Variants in FOXP2 observed in about 807,000 individuals in gnomAD.
FOXP2 encodes forkhead box P2.
Under a neutral mutation model 115.8 loss-of-function variants are expected in FOXP2, and 12 were observed. That is an observed-to-expected ratio of 0.10 (90% CI 0.07 to 0.17). The LOEUF (loss-of-function observed/expected upper bound fraction) is 0.17, where lower values mean the gene tolerates loss of function less well. FOXP2 is among the 10% of genes least tolerant of loss of function. The probability of loss-of-function intolerance (pLI) is 1.00; values close to 1 mark genes in which losing one functional copy is unlikely to be tolerated. For synonymous variants in FOXP2, 328 were observed against 297.7 expected (o/e 1.10, Z -1.05); for missense variants, 629 against 843.5 (o/e 0.75, Z 3.15).
chr7:114,642,378 T>A (rs773612485), intron 6 of FOXP2, 32 bp from the exon 7 acceptor site: 7 of 1,568,682 alleles, frequency 4.5e-6, no homozygotes, highest in Non-Finnish European at 5.3e-6. Context: ...CTTTACCTTG[T>A]TATGCTAGTG....
intron 5 of FOXP2, chr7:114,630,718 G>A (rs1804854675): frequency 1.3e-4 from 20 of 153,308 alleles, no homozygotes; most frequent in Admixed American, 1.3e-3. Context: ...TAGAATTTCA[G>A]ACAGCCATCA....
At chr7:114,410,219 A>C (rs185280749), upstream of FOXP2, among the ~76,000 whole-genome samples, 1 of 152,214 alleles carries the variant, frequency 6.6e-6, no homozygotes, top group Non-Finnish European at 1.5e-5. Flanking sequence ...AGGGTTAGAT[A>C]CATATCTGTA....
intron 1 of FOXP2, among the ~76,000 whole-genome samples, chr7:114,251,018 T>C (rs549387930): frequency 2.0e-4 from 31 of 152,368 alleles, no homozygotes; most frequent in South Asian, 1.7e-3. Context: ...TACATATGGC[T>C]AGCCAGTTTT....
upstream of FOXP2, among the ~76,000 whole-genome samples, chr7:114,162,062 C>T (rs959477718): frequency 1.3e-5 from 2 of 151,990 alleles, no homozygotes; most frequent in Non-Finnish European, 2.9e-5. Flanking sequence ...GGATTACAGG[C>T]GTGAGTCACC....
intron 16 of FOXP2, among the ~76,000 whole-genome samples, chr7:114,676,543 T>G (rs1807777315): frequency 6.6e-6 from 1 of 152,198 alleles, no homozygotes; most frequent in African/African-American, 2.4e-5. Flanking sequence ...TTTTGAATGT[T>G]CTCTGGGGAG....
chr7:114,222,606 G>A (rs1794651733), intron 1 of FOXP2, among the ~76,000 whole-genome samples: 1 of 152,178 alleles, frequency 6.6e-6, no homozygotes, highest in African/African-American at 2.4e-5. Flanking sequence ...GTCTAATGAA[G>A]TCGCTACATT....
At chr7:114,121,317 T>A (rs1791558588) in intron 1 of FOXP2, among the ~76,000 whole-genome samples, 1 of 152,060 alleles carries the variant, frequency 6.6e-6, no homozygotes, top group Non-Finnish European at 1.5e-5. Context: ...GCCAGGCTGT[T>A]CCCCTGATCT....
chr7:114,336,130 A>G (rs1276861902), intron 2 of FOXP2, among the ~76,000 whole-genome samples: 1 of 151,750 alleles, frequency 6.6e-6, no homozygotes, highest in Non-Finnish European at 1.5e-5. Flanking sequence ...GAAGTGCAGC[A>G]AGTGAGTGCT....
At chr7:114,272,425 T>C (rs1282075825) in intron 1 of FOXP2, among the ~76,000 whole-genome samples, 1 of 151,858 alleles carries the variant, frequency 6.6e-6, no homozygotes, top group Admixed American at 6.6e-5. Context: ...CTCCCACTTC[T>C]ATCCTCTGAA....
intron 1 of FOXP2, among the ~76,000 whole-genome samples, chr7:114,262,665 A>G (rs893955596): frequency 6.6e-6 from 1 of 152,230 alleles, no homozygotes; most frequent in African/African-American, 2.4e-5. Context: ...TAACAAATTT[A>G]GATTTAAAGA....
intron 1 of FOXP2, among the ~76,000 whole-genome samples, chr7:114,281,045 T>C (rs553471412): frequency 6.6e-6 from 1 of 152,172 alleles, no homozygotes; most frequent in African/African-American, 2.4e-5. Flanking sequence ...ATAACAGATG[T>C]TTAGTAATTG....
intron 1 of FOXP2, among the ~76,000 whole-genome samples, chr7:114,203,774 T>G (rs2129160150): frequency 6.6e-6 from 1 of 152,338 alleles, no homozygotes; most frequent in African/African-American, 2.4e-5. Flanking sequence ...CACGTTGCAG[T>G]TGAGTACACT....
At chr7:114,276,283 G>A (rs528063691) in intron 1 of FOXP2, among the ~76,000 whole-genome samples, 3 of 151,972 alleles carry the variant, frequency 2.0e-5, no homozygotes, top group South Asian at 2.1e-4. Flanking sequence ...TCAGCCTCCC[G>A]AGTAGCTGGG....
chr7:114,495,479 C>CTTTTTTTTTTTTTTTTTTTTTT (rs1797263196), intron 2 of FOXP2, among the ~76,000 whole-genome samples: 1 of 94,076 alleles, frequency 1.1e-5, no homozygotes, highest in African/African-American at 4.1e-5. Context: ...TTCTTTCTCT[C>CTTTTTTTTTTTTTTTTTTTTTT]TCTCTTTTTT....
At chr7:114,502,062 CAT>C (rs1260145734) in intron 2 of FOXP2, among the ~76,000 whole-genome samples, 1 of 151,950 alleles carries the variant, frequency 6.6e-6, no homozygotes, top group Non-Finnish European at 1.5e-5. Flanking sequence ...AGGCCATCGG[CAT>C]ATTTCTAAAG....
chr7:114,294,880 A>C (rs1390862294), intron 2 of FOXP2, among the ~76,000 whole-genome samples: 1 of 151,936 alleles, frequency 6.6e-6, no homozygotes, highest in Non-Finnish European at 1.5e-5. Context: ...ACATACATAC[A>C]TACATACATA....
intron 2 of FOXP2, among the ~76,000 whole-genome samples, chr7:114,488,204 T>A (rs1041178801): frequency 3.3e-5 from 5 of 152,126 alleles, no homozygotes; most frequent in African/African-American, 1.2e-4. Flanking sequence ...AACCATCAGA[T>A]CTAGTGAGAT....
chr7:114,129,257 A>G (rs2129144972), intron 1 of FOXP2, among the ~76,000 whole-genome samples: 1 of 152,354 alleles, frequency 6.6e-6, no homozygotes, highest in Middle Eastern at 3.4e-3. Context: ...ATGAAATTCA[A>G]GGATTTTAAC....
intron 2 of FOXP2, among the ~76,000 whole-genome samples, chr7:114,428,968 T>C (rs1218054556): frequency 1.3e-5 from 2 of 151,620 alleles, no homozygotes; most frequent in East Asian, 1.9e-4. Context: ...CTAATCATTG[T>C]TGACCAAGAT....
Sources: allele counts gnomAD v4.1 joint callset (sites outside exome capture counted in the v4.1 genomes callset), GRCh38; gene constraint gnomAD v4.1.1; transcripts MANE v1.5; gene names NCBI Gene and HGNC (gene_info 2026-07-23, HGNC 2026-07-21).